MGAT4C: variants seen among roughly 807,000 people sequenced by gnomAD.
MGAT4C encodes the protein alpha-1,3-mannosyl-glycoprotein 4-beta-N-acetylglucosaminyltransferase C.
MGAT4C carries 19 observed loss-of-function variants against 40.1 expected under a neutral mutation model. The observed-to-expected ratio is 0.47, with a 90% CI of 0.33 to 0.70. MGAT4C has a LOEUF of 0.70. MGAT4C is among the 30% of genes least tolerant of loss of function. MGAT4C has a pLI of 0.02. For synonymous variants in MGAT4C, 181 were observed against 187.1 expected, an observed-to-expected ratio of 0.97 and a Z score of 0.27; for missense variants, 491 against 563.2, an observed-to-expected ratio of 0.87 and a Z score of 1.30.
At chr12:86,274,721 T>C (rs1953026929) in intron 4 of MGAT4C, among the ~76,000 whole-genome samples, 1 of 152,216 alleles carries the variant, frequency 6.6e-6, no homozygotes, top group Non-Finnish European at 1.5e-5. Flanking sequence ...GTCCACATTA[T>C]ATACCCAGAT....
chr12:86,420,509 T>C (rs996230542), intron 3 of MGAT4C, among the ~76,000 whole-genome samples: 2 of 152,130 alleles, frequency 1.3e-5, no homozygotes, highest in East Asian at 1.9e-4. Flanking sequence ...TAAAATAGGC[T>C]GGGCCACCTC....
chr12:86,552,720 GA>G (rs1959427048), intron 2 of MGAT4C, among the ~76,000 whole-genome samples: 1 of 151,946 alleles, frequency 6.6e-6, no homozygotes, highest in Non-Finnish European at 1.5e-5. Context: ...TAGAGAATGT[GA>G]AAAAATAAAA....
rs1017527454 is a variant in MGAT4C at position 86,803,001 on chromosome 12, C to G, written c.-262+35665G>C. ...AACAAAGCTGGAGGCATCACACTACCTGACTTCAAACTATACTACAAGGCT... is the reference window on the plus strand; with the variant it reads ...AACAAAGCTGGAGGCATCACACTACGTGACTTCAAACTATACTACAAGGCT... On this transcript the variant is annotated intron_variant, in intron 1 of 7. Coordinates refer to the MGAT4C transcript ENST00000548651. 2.0e-4 allele frequency among the ~76,000 whole-genome samples: 25 copies of G among 126,538 alleles called. No homozygotes were observed. The South Asian group carries it at 6.1e-3, about 31-fold the overall frequency. The allele number at this position is 126,538 out of a possible 152,430, so 83.0% of individuals were successfully genotyped here.
Position 86,306,723 on chromosome 12 carries a change from C to A in MGAT4C, c.-57+27342G>T, listed in dbSNP as rs781638204. Among the ~76,000 whole-genome samples, 6 of 150,188 alleles carry A rather than the reference C, an allele frequency of 4.0e-5. 1 individual carries two copies. The highest frequency in any genetic ancestry group is 5.9e-5 in the Non-Finnish European group (4 of 67,926). On this transcript the variant is annotated intron_variant, in intron 4 of 7. Transcript: ENST00000548651. ...GTTTAATTGTAAAGTGAATTGTAAA[C>A]AAATAATGACCTTTACATATATACA...
chr12:86,640,471 C>A lies in MGAT4C; in HGVS notation c.-229+86738G>T, dbSNP rs562511657. Among the ~76,000 whole-genome samples the A allele has an allele frequency of 9.9e-4, 150 of 151,692 alleles. 2 individuals carry two copies. The highest frequency in any genetic ancestry group is 3.4e-3 in the African/African-American group (142 of 41,408). On this transcript the variant is annotated intron_variant, in intron 2 of 7. Transcript: ENST00000548651. ...ATATCCCCTTTATCATTTTTTATTG[C>A]ATCTATTTGATTCTTCTCTCTTTTC...
intron 1 of MGAT4C, 87 bp downstream of exon 1, chr12:86,256,152 A>T (rs932073325): frequency 6.6e-6 from 1 of 152,132 alleles, no homozygotes; most frequent in African/African-American, 2.4e-5. Flanking sequence ...ACCAGATAGT[A>T]ATCCTTTTTG....
At chr12:86,803,275 T>A (rs1952269757) in intron 1 of MGAT4C, among the ~76,000 whole-genome samples, 1 of 151,202 alleles carries the variant, frequency 6.6e-6, no homozygotes, top group Non-Finnish European at 1.5e-5. Flanking sequence ...CAAGATGGAT[T>A]AAAGATTTAA....
intron 2 of MGAT4C, among the ~76,000 whole-genome samples, chr12:86,611,444 TA>T (rs1962267532): frequency 1.6e-5 from 2 of 127,818 alleles, no homozygotes; most frequent in Admixed American, 8.6e-5. Context: ...GACAGATAGA[TA>T]GATAGATAGA....
chr12:86,399,238 G>A (rs187208069), intron 3 of MGAT4C, among the ~76,000 whole-genome samples: 245 of 152,114 alleles, frequency 1.6e-3, no homozygotes, highest in African/African-American at 5.5e-3. Flanking sequence ...CCAAAGTGCC[G>A]GGATTACAGG....
intron 1 of MGAT4C, among the ~76,000 whole-genome samples, chr12:86,179,394 G>C (rs1180682048): frequency 1.3e-5 from 2 of 152,166 alleles, no homozygotes; most frequent in African/African-American, 4.8e-5. Context: ...GTGGGATGTT[G>C]CTGAAAAGAT....
chr12:86,696,794 T>G (rs1950267766), intron 2 of MGAT4C, among the ~76,000 whole-genome samples: 1 of 152,034 alleles, frequency 6.6e-6, no homozygotes, highest in South Asian at 2.1e-4. Flanking sequence ...TCTCATGAGT[T>G]TTTTTTTAAT....
At chr12:86,565,647 A>G (rs1321694100) in intron 2 of MGAT4C, among the ~76,000 whole-genome samples, 1 of 152,216 alleles carries the variant, frequency 6.6e-6, no homozygotes, top group Non-Finnish European at 1.5e-5. Context: ...AAGCATGATT[A>G]GAGAATTGGT....
intron 1 of MGAT4C, among the ~76,000 whole-genome samples, chr12:86,191,751 G>GGGGTGTGTGTGT (rs1555243731): frequency 6.1e-5 from 6 of 98,572 alleles, no homozygotes; most frequent in Non-Finnish European, 1.0e-4. Context: ...AGGAGATAAA[G>GGGGTGTGTGTGT]GTGTGTGTGT....
At chr12:86,411,449 A>G (rs1250460659) in intron 3 of MGAT4C, among the ~76,000 whole-genome samples, 2 of 152,208 alleles carry the variant, frequency 1.3e-5, no homozygotes, top group African/African-American at 4.8e-5. Context: ...GCTTGGCAGC[A>G]TTGTGCCTCT....
chr12:86,745,583 T>C (rs1951140161), intron 1 of MGAT4C, among the ~76,000 whole-genome samples: 1 of 151,606 alleles, frequency 6.6e-6, no homozygotes, highest in South Asian at 2.1e-4. Context: ...GGAAAATATA[T>C]GAATGCCAGA....
At chr12:86,240,863 C>G (rs1001597140) in intron 1 of MGAT4C, among the ~76,000 whole-genome samples, 1 of 152,114 alleles carries the variant, frequency 6.6e-6, no homozygotes, top group African/African-American at 2.4e-5. Flanking sequence ...CCTTTTCACC[C>G]CTTCAGTATG....
chr12:86,160,745 C>T (rs1488417493), intron 1 of MGAT4C, among the ~76,000 whole-genome samples: 1 of 152,000 alleles, frequency 6.6e-6, no homozygotes, highest in Non-Finnish European at 1.5e-5. Context: ...TTTTATAAAT[C>T]TGGGTGCTCC....
intron 2 of MGAT4C, among the ~76,000 whole-genome samples, chr12:86,468,505 A>T (rs976547520): frequency 1.3e-5 from 2 of 150,586 alleles, no homozygotes; most frequent in Admixed American, 6.7e-5. Flanking sequence ...CTAAATGCAG[A>T]AGTCTGAGTT....
intron 1 of MGAT4C, among the ~76,000 whole-genome samples, chr12:86,735,934 C>G (rs1420042029): frequency 4.0e-5 from 6 of 151,792 alleles, no homozygotes; most frequent in African/African-American, 1.5e-4. Context: ...TATGTTTTTA[C>G]CCAAAGTGGG....
Sources: gnomAD v4.1 joint callset for allele counts (sites outside exome capture counted in the v4.1 genomes callset) on GRCh38, gnomAD v4.1.1 for gene constraint, MANE v1.5 for transcripts, NCBI Gene and HGNC (gene_info 2026-07-23, HGNC 2026-07-21) for gene names.